HAPLN1: variants seen among roughly 807,000 people sequenced by gnomAD.
HAPLN1 encodes hyaluronan and proteoglycan link protein 1.
HAPLN1 carries 13 observed loss-of-function variants against 36.5 expected under a neutral mutation model. The ratio of observed to expected loss-of-function variants is 0.36; its 90% CI spans 0.23 to 0.57. The LOEUF (loss-of-function observed/expected upper bound fraction) is 0.57, where lower values mean the gene tolerates loss of function less well. HAPLN1 is among the 20% of genes least tolerant of loss of function. The pLI is 0.83. For synonymous variants in HAPLN1, 202 were observed against 169.8 expected, an observed-to-expected ratio of 1.19 and a Z score of -1.48; for missense variants, 407 against 439.7, an observed-to-expected ratio of 0.93 and a Z score of 0.66.
chr5:83,651,840 G>C (rs1049705865), intron 3 of HAPLN1, among the ~76,000 whole-genome samples: 5 of 151,784 alleles, frequency 3.3e-5, no homozygotes, highest in Non-Finnish European at 5.9e-5. Flanking sequence ...GTACAGGTTT[G>C]TACACATGTT....
At chr5:83,710,474 G>C (rs1751755058) in intron 1 of HAPLN1, among the ~76,000 whole-genome samples, 1 of 152,080 alleles carries the variant, frequency 6.6e-6, no homozygotes, top group Admixed American at 6.6e-5. Context: ...GTAGCTGTGG[G>C]AGAAAGCTCA....
intron 1 of HAPLN1, among the ~76,000 whole-genome samples, chr5:83,699,868 A>G (rs569689546): frequency 6.6e-6 from 1 of 152,352 alleles, no homozygotes; most frequent in Admixed American, 6.5e-5. Flanking sequence ...CATTAAAAGC[A>G]GAGTACCAAA....
chr5:83,678,905 A>G (rs13361926), intron 1 of HAPLN1, among the ~76,000 whole-genome samples: 62,834 of 152,114 alleles, frequency 0.41, 13,471 homozygotes, highest in African/African-American at 0.5. Context: ...ATTTCTTAAC[A>G]TGGCTTCTCT....
intron 1 of HAPLN1, among the ~76,000 whole-genome samples, chr5:83,690,896 T>C (rs543543720): frequency 6.6e-6 from 1 of 152,132 alleles, no homozygotes; most frequent in Admixed American, 6.6e-5. Flanking sequence ...TGTGTTATTT[T>C]AGAGAAACTA....
chr5:83,668,147 C>T (rs1750606441), intron 2 of HAPLN1, among the ~76,000 whole-genome samples: 1 of 152,148 alleles, frequency 6.6e-6, no homozygotes, highest in African/African-American at 2.4e-5. Flanking sequence ...GACTGGGATG[C>T]ATCACACAAA....
rs553161003 is a variant in HAPLN1 at position 83,682,326 on chromosome 5, C to T, written c.-26-8777G>A. ...AACAACAAGAATCAGGCAACTCACACATATTTTAAAAAGTCACCAGACTCT... is the reference window on the plus strand; with the variant it reads ...AACAACAAGAATCAGGCAACTCACATATATTTTAAAAAGTCACCAGACTCT... On this transcript the variant is annotated intron_variant, in intron 1 of 4. Transcript: ENST00000274341. 4.6e-5 allele frequency: 7 copies of T among 152,272 alleles called. No individual in the cohort carries two copies. The South Asian group carries it at 1.0e-3, about 23-fold the overall frequency. The allele number at this position is 152,272 out of a possible 1,614,324, so 9.4% of individuals were successfully genotyped here. A position where few individuals can be genotyped will look rare whatever the true frequency, so the allele number is the denominator to read the frequency against.
chr5:83,700,646 CTT>C (rs11352221), intron 1 of HAPLN1, among the ~76,000 whole-genome samples: 114 of 138,932 alleles, frequency 8.2e-4, no homozygotes, highest in Non-Finnish European at 8.0e-4. Context: ...TCCTTTCAAA[CTT>C]TTTTTTTTTT....
intron 3 of HAPLN1, among the ~76,000 whole-genome samples, chr5:83,651,263 G>T (rs531338377): frequency 6.6e-6 from 1 of 152,280 alleles, no homozygotes; most frequent in African/African-American, 2.4e-5. Flanking sequence ...GCGAACCTAA[G>T]CCTCTTAATA....
intron 3 of HAPLN1, among the ~76,000 whole-genome samples, chr5:83,648,686 G>C (rs964916920): frequency 1.3e-5 from 2 of 151,948 alleles, no homozygotes; most frequent in Admixed American, 6.6e-5. Flanking sequence ...TTTAAAATGA[G>C]ATGCTTCCCT....
chr5:83,698,899 C>T (rs866121280), intron 1 of HAPLN1, among the ~76,000 whole-genome samples: 13 of 152,200 alleles, frequency 8.5e-5, no homozygotes, highest in South Asian at 4.1e-4. Context: ...CAAAATTTTT[C>T]GAATACGGTA....
chr5:83,658,797 C>T (rs1163153534), intron 2 of HAPLN1, among the ~76,000 whole-genome samples: 3 of 152,138 alleles, frequency 2.0e-5, no homozygotes, highest in Admixed American at 1.3e-4. Flanking sequence ...CCTCTCCCTT[C>T]GCGTCCAGCC....
intron 1 of HAPLN1, among the ~76,000 whole-genome samples, chr5:83,693,193 G>T (rs1751319099): frequency 6.6e-6 from 1 of 151,752 alleles, no homozygotes; most frequent in Non-Finnish European, 1.5e-5. Context: ...GTCATTGACT[G>T]CTGGTAACTG....
rs1749604806 is a variant in HAPLN1 at position 83,639,076 on chromosome 5, G to A, written c.*2420C>T. The A allele has an allele frequency of 6.6e-6, 1 of 152,014 alleles. No homozygotes were observed. Among genetic ancestry groups the A allele is most frequent in the Non-Finnish European group, 1.5e-5 (1 of 67,916 alleles). 9.4% of individuals were successfully genotyped at this position (152,014 alleles called of 1,614,324 possible). On this transcript the variant is annotated 3_prime_UTR_variant, in exon 5 of 5. Transcript: ENST00000274341. ...CAACTTTCTGTTAGGAATTGTATTA[G>A]AATAACCTTTCTTTTTCAGACCTGC...
At chr5:83,651,052 G>A (rs770188949) in intron 3 of HAPLN1, among the ~76,000 whole-genome samples, 1 of 151,760 alleles carries the variant, frequency 6.6e-6, no homozygotes, top group East Asian at 1.9e-4. Context: ...AAGTTATACT[G>A]GTTTCTTTTT....
At chr5:83,702,809 C>T (rs1751541881) in intron 1 of HAPLN1, among the ~76,000 whole-genome samples, 1 of 151,784 alleles carries the variant, frequency 6.6e-6, no homozygotes, top group Non-Finnish European at 1.5e-5. Context: ...GCAATTTCAA[C>T]TCACTGAAGA....
intron 1 of HAPLN1, among the ~76,000 whole-genome samples, chr5:83,676,438 T>C (rs149086942): frequency 1.4e-4 from 21 of 152,308 alleles, no homozygotes; most frequent in African/African-American, 3.4e-4. Flanking sequence ...ATCTCACCAG[T>C]AGACATGAAA....
At position 83,644,471 on chromosome 5, in the gene HAPLN1, T is replaced by C; in HGVS notation, c.667A>G (p.Arg223Gly). 1 of 1,613,456 alleles carries C rather than the reference T, an allele frequency of 6.2e-7. No homozygotes were observed. Among genetic ancestry groups the C allele is most frequent in the Non-Finnish European group, 8.5e-7 (1 of 1,179,704 alleles). ...GTGTTCTGCCCCCCACAGGGCTCTC[T>C]GGGCTTTGTGATGGGATATTGCACA... ...GSVQYPITKPREPCGGQNTVP... is the reference protein window; with the variant it reads ...GSVQYPITKPGEPCGGQNTVP... The change falls in exon 4 of 5, where the codon AGA (arginine) becomes GGA (glycine). Residue 223 changes from arginine (R) to glycine (G), a missense_variant. Arg to Gly is a moderately radical substitution (Grantham distance 125). Transcript: ENST00000274341.
At chr5:83,664,756 A>G (rs750196297) in intron 2 of HAPLN1, among the ~76,000 whole-genome samples, 16 of 152,222 alleles carry the variant, frequency 1.1e-4, no homozygotes, top group Admixed American at 6.5e-4. Flanking sequence ...ACATAAGCCA[A>G]ATAATGAGTT....
At position 83,673,458 on chromosome 5, in the gene HAPLN1, A is replaced by G. The variant is rs1027506788; in HGVS notation, c.66T>C (p.Tyr22=). Residue 22 remains tyrosine (Y), a synonymous_variant, in exon 2 of 5, where the codon TAT becomes TAC. Coordinates refer to ENST00000274341, the MANE Select transcript of HAPLN1 (RefSeq NM_001884.4). ...ICWADHLSDN[Y]TLDHDRAIHI... ...GAATAGCTCTGTCATGATCCAGAGT[A>G]TAGTTGTCTGAAAGATGATCAGCCC... is the stretch of plus-strand genomic sequence containing the variant. The G allele has an allele frequency of 2.5e-6, 4 of 1,613,172 alleles. No individual in the cohort carries two copies. The highest frequency in any genetic ancestry group is 3.4e-6 in the Non-Finnish European group (4 of 1,179,548).
Sources: gnomAD v4.1 joint callset for allele counts (sites outside exome capture counted in the v4.1 genomes callset) on GRCh38, gnomAD v4.1.1 for gene constraint, MANE v1.5 for transcripts, NCBI Gene and HGNC (gene_info 2026-07-23, HGNC 2026-07-21) for gene names.